NLRP7: variants seen among roughly 807,000 people sequenced by gnomAD.
NLRP7 encodes the protein NACHT, LRR and PYD domains-containing protein 7.
In NLRP7, 72 loss-of-function variants were observed where a neutral mutation model predicts 85.5. That is an observed-to-expected ratio of 0.84 (90% confidence interval 0.70 to 1.02). The LOEUF (loss-of-function observed/expected upper bound fraction) is 1.02. Ranked by LOEUF, NLRP7 falls within the 50% of genes least tolerant of loss-of-function variation. The pLI is 0.00. For missense variants in NLRP7, 1,243 were observed against 1,219.5 expected, an observed-to-expected ratio of 1.02 and a Z score of -0.29; for synonymous variants, 550 against 505.2, an observed-to-expected ratio of 1.09 and a Z score of -1.19.
At chr19:54,925,143 C>G (rs45512197) in intron 9 of NLRP7, among the ~76,000 whole-genome samples, 1 of 152,018 alleles carries the variant, frequency 6.6e-6, no homozygotes, top group East Asian at 1.9e-4. Flanking sequence ...TGGCCTCAAA[C>G]AATCCTCCCA....
intron 1 of NLRP7, among the ~76,000 whole-genome samples, chr19:54,964,479 G>A (rs2070238410): frequency 6.6e-6 from 1 of 151,682 alleles, no homozygotes; most frequent in Non-Finnish European, 1.5e-5. Context: ...GCCTCCCAAA[G>A]TGCTGGGATT....
chr19:54,925,097 T>G (rs879379024), intron 9 of NLRP7, among the ~76,000 whole-genome samples: 1 of 152,064 alleles, frequency 6.6e-6, no homozygotes, highest in Non-Finnish European at 1.5e-5. Context: ...GTGGAGACAC[T>G]GGCTTGCTAT....
chr19:54,943,987 T>C (rs895899930), intron 1 of NLRP7, among the ~76,000 whole-genome samples: 3 of 152,000 alleles, frequency 2.0e-5, no homozygotes, highest in East Asian at 1.9e-4. Context: ...ATCACCACTC[T>C]CTAATCTCAA....
chr19:54,949,227 G>A (rs1030402286), upstream of NLRP7, among the ~76,000 whole-genome samples: 11 of 151,428 alleles, frequency 7.3e-5, no homozygotes, highest in African/African-American at 1.5e-4. Context: ...GCCGTGAGCC[G>A]AGATTGCACC....
chr19:54,933,111 T>C (rs2068745088), intron 8 of NLRP7, among the ~76,000 whole-genome samples: 1 of 152,042 alleles, frequency 6.6e-6, no homozygotes, highest in Admixed American at 6.6e-5. Flanking sequence ...CATGCAAATA[T>C]TAACATGTTT....
chr19:54,960,584 G>GTTTTAT lies in NLRP7; in HGVS notation c.-77+5450_-77+5455dup, dbSNP rs550061952. ...GTTAGAAGAATTGTAACAAAAGATA[G>GTTTTAT]TTTTATTTTTATTTTTATTTTTATT... On this transcript the variant is annotated intron_variant, in intron 1 of 2. Transcript: ENST00000587103. 8.6e-5 allele frequency among the ~76,000 whole-genome samples: 13 copies of GTTTTAT among 151,376 alleles called. 1 individual carries two copies. In the South Asian group the frequency reaches 2.3e-3, roughly 27 times the overall value.
At chr19:54,962,735 G>A (rs998344628) in intron 1 of NLRP7, among the ~76,000 whole-genome samples, 1 of 151,018 alleles carries the variant, frequency 6.6e-6, no homozygotes, top group Non-Finnish European at 1.5e-5. Context: ...GAGTAGCTGG[G>A]ACTACAGGCG....
intron 1 of NLRP7, among the ~76,000 whole-genome samples, chr19:54,943,269 C>T (rs570260143): frequency 6.6e-6 from 1 of 152,076 alleles, no homozygotes; most frequent in East Asian, 1.9e-4. Flanking sequence ...AGCCACTGCA[C>T]GCCAGCCTGG....
At chr19:54,939,328 G>T (rs775880) in exon 4 of NLRP7, 10 of 1,609,002 alleles carry the variant, frequency 6.2e-6, no homozygotes, top group Non-Finnish European at 8.5e-6. Flanking sequence ...GTACGTCCCC[G>T]ATGTCCCAGG....
At chr19:54,943,693 T>C (rs1239269344) in intron 1 of NLRP7, among the ~76,000 whole-genome samples, 2 of 152,126 alleles carry the variant, frequency 1.3e-5, no homozygotes, top group Admixed American at 6.6e-5. Context: ...TGGACAGCTT[T>C]ACCCTTGGAG....
intron 9 of NLRP7, among the ~76,000 whole-genome samples, chr19:54,925,727 G>A (rs113071669): frequency 0.016 from 2,465 of 152,098 alleles, 59 homozygotes; most frequent in African/African-American, 0.056. Context: ...GGCCGGGCGC[G>A]GTGGCTCACG....
exon 4 of NLRP7, chr19:54,939,582 G>T (rs146427076): frequency 3.1e-6 from 5 of 1,611,538 alleles, no homozygotes; most frequent in Non-Finnish European, 4.2e-6. Flanking sequence ...CTCAGCGTCC[G>T]CAGCGCGCCC....
chr19:54,963,196 G>C (rs985397979), intron 1 of NLRP7, among the ~76,000 whole-genome samples: 2 of 151,872 alleles, frequency 1.3e-5, no homozygotes, highest in Admixed American at 6.6e-5. Context: ...ATGGGGTTGA[G>C]ACCAGCCTGG....
At chr19:54,933,806 T>C (rs269957) in intron 7 of NLRP7, 67 bp from the exon 8 acceptor site, 347,441 of 1,354,554 alleles carry the variant, frequency 0.26, 47,101 homozygotes, top group Non-Finnish European at 0.28. Context: ...TGCTCAGTGA[T>C]GTCCACATGC....
At chr19:54,939,844 C>A (rs2069135346) in exon 4 of NLRP7, 1 of 1,613,934 alleles carries the variant, frequency 6.2e-7, no homozygotes, top group Non-Finnish European at 8.5e-7. Flanking sequence ...TGTCCTCCTC[C>A]AGGAAGCCCT....
chr19:54,966,028 TTAA>T (rs1347891132), intron 1 of NLRP7: 7 of 148,988 alleles, frequency 4.7e-5, no homozygotes, highest in African/African-American at 9.9e-5. Flanking sequence ...TGGATTTTTA[TTAA>T]TAATATACCT....
At chr19:54,942,198 G>A (rs1602186373) in intron 1 of NLRP7, among the ~76,000 whole-genome samples, 1 of 139,070 alleles carries the variant, frequency 7.2e-6, no homozygotes, top group African/African-American at 2.7e-5. Flanking sequence ...GGAGCTTGCA[G>A]TGAGCAGAGA....
chr19:54,924,689 A>G (rs1247761744), intron 9 of NLRP7, among the ~76,000 whole-genome samples: 1 of 152,104 alleles, frequency 6.6e-6, no homozygotes, highest in African/African-American at 2.4e-5. Flanking sequence ...TAATTCCAGC[A>G]CTTTGGGAGG....
At chr19:54,956,045 C>T (rs964142356) in intron 1 of NLRP7, among the ~76,000 whole-genome samples, 1 of 151,946 alleles carries the variant, frequency 6.6e-6, no homozygotes, top group Non-Finnish European at 1.5e-5. Flanking sequence ...GAGGCCAAGG[C>T]AGGAGGATCA....
Sources: gnomAD v4.1 joint callset for allele counts (sites outside exome capture counted in the v4.1 genomes callset) on GRCh38, gnomAD v4.1.1 for gene constraint, MANE v1.5 for transcripts, NCBI Gene and HGNC (gene_info 2026-07-23, HGNC 2026-07-21) for gene names.